Variants in ZNRF2 observed in about 807,000 individuals in gnomAD.
ZNRF2 encodes E3 ubiquitin-protein ligase ZNRF2.
A neutral mutation model predicts 20.4 loss-of-function variants in ZNRF2; 16 were observed. The ratio of observed to expected loss-of-function variants is 0.79; its 90% CI spans 0.53 to 1.19. The LOEUF (loss-of-function observed/expected upper bound fraction) is 1.19, where lower values mean the gene tolerates loss of function less well. ZNRF2 is among the 50% of genes most tolerant of loss of function. The probability of loss-of-function intolerance (pLI) is 0.00; values close to 1 mark genes in which losing one functional copy is unlikely to be tolerated. For missense variants in ZNRF2, 363 were observed against 332.4 expected (o/e 1.09, Z -0.72); for synonymous variants, 178 against 144.9 (o/e 1.23, Z -1.64).
intron 1 of ZNRF2, among the ~76,000 whole-genome samples, chr7:30,319,477 T>C (rs570528865): frequency 6.6e-6 from 1 of 152,326 alleles, no homozygotes; most frequent in South Asian, 2.1e-4. Flanking sequence ...ACCTAGTCTG[T>C]ATGTAATAGA....
chr7:30,289,988 A>G, intron 1 of ZNRF2: 3 of 457,330 alleles, frequency 6.6e-6, no homozygotes, highest in South Asian at 5.0e-5. Context: ...TAAACTATTT[A>G]TTATTATTTG....
chr7:30,360,422 G>A (rs547417403), intron 3 of ZNRF2, among the ~76,000 whole-genome samples: 16 of 152,254 alleles, frequency 1.1e-4, no homozygotes, highest in East Asian at 3.9e-4. Context: ...CAGGCCAGGC[G>A]CAGTGGCTGA....
At chr7:30,343,391 A>C (rs551882214) in intron 2 of ZNRF2, among the ~76,000 whole-genome samples, 43 of 152,270 alleles carry the variant, frequency 2.8e-4, no homozygotes, top group African/African-American at 1.0e-3. Flanking sequence ...TTTCAAAAAA[A>C]GGTCTTTAAT....
intron 1 of ZNRF2, among the ~76,000 whole-genome samples, chr7:30,299,469 A>G (rs1799073570): frequency 6.6e-6 from 1 of 151,790 alleles, no homozygotes; most frequent in Non-Finnish European, 1.5e-5. Flanking sequence ...AGTCACTTTC[A>G]GTCCTCTGGT....
intron 1 of ZNRF2, among the ~76,000 whole-genome samples, chr7:30,301,530 AAGC>A (rs1799114084): frequency 6.6e-6 from 1 of 151,946 alleles, no homozygotes; most frequent in South Asian, 2.1e-4. Context: ...AAATTACTAA[AAGC>A]AATCTGGGGC....
At chr7:30,318,199 G>T (rs571607282) in intron 1 of ZNRF2, among the ~76,000 whole-genome samples, 1 of 152,188 alleles carries the variant, frequency 6.6e-6, no homozygotes, top group East Asian at 1.9e-4. Flanking sequence ...GACATCTGGG[G>T]GAGGGGCAGA....
Position 30,292,702 on chromosome 7 carries a change from T to G in ZNRF2, c.469+6876T>G, listed in dbSNP as rs556774279. On this transcript the variant is annotated intron_variant, in intron 1 of 4. Transcript: ENST00000323037. ...GAGCAAGTCATGAGGATCTCTGGGG[T>G]AAAAACATATTCAGGCACAGGGAGC... 2.5e-4 allele frequency among the ~76,000 whole-genome samples: 38 copies of G among 152,008 alleles called. 1 individual carries two copies. The South Asian group carries it at 4.6e-3, about 18-fold the overall frequency.
chr7:30,309,039 T>G, intron 1 of ZNRF2, among the ~76,000 whole-genome samples: 1 of 152,200 alleles, frequency 6.6e-6, no homozygotes, highest in African/African-American at 2.4e-5. Context: ...ATGTCTTCAC[T>G]CCTGTATAAA....
chr7:30,358,518 T>A (rs1800074409), intron 3 of ZNRF2, among the ~76,000 whole-genome samples: 1 of 152,238 alleles, frequency 6.6e-6, no homozygotes, highest in Non-Finnish European at 1.5e-5. Flanking sequence ...ACTACCTTAG[T>A]CAAATCTCAA....
At chr7:30,344,875 C>T (rs1314709728) in intron 2 of ZNRF2, among the ~76,000 whole-genome samples, 2 of 152,110 alleles carry the variant, frequency 1.3e-5, no homozygotes, top group African/African-American at 4.8e-5. Context: ...TTGGGTTATA[C>T]CTTCTCTACT....
At chr7:30,338,707 G>A (rs1358444831) in intron 2 of ZNRF2, among the ~76,000 whole-genome samples, 2 of 152,002 alleles carry the variant, frequency 1.3e-5, no homozygotes, top group Non-Finnish European at 1.5e-5. Context: ...CCAAGTCTTT[G>A]CTATTGTGAA....
At chr7:30,285,918 CCTT>C (rs1798778343) in intron 1 of ZNRF2, 92 bp downstream of exon 1, 6 of 1,333,130 alleles carry the variant, frequency 4.5e-6, no homozygotes, top group Non-Finnish European at 5.8e-6. Context: ...CTCCTTTTCT[CCTT>C]CTGCCGGGGC....
chr7:30,310,215 G>A (rs1387105147), intron 1 of ZNRF2, among the ~76,000 whole-genome samples: 2 of 152,196 alleles, frequency 1.3e-5, no homozygotes, highest in Admixed American at 6.5e-5. Flanking sequence ...TGGTAACACT[G>A]GCCTGACTGG....
At chr7:30,310,880 C>CTGTCT (rs1169010105) in intron 1 of ZNRF2, among the ~76,000 whole-genome samples, 1 of 151,946 alleles carries the variant, frequency 6.6e-6, no homozygotes, top group Non-Finnish European at 1.5e-5. Flanking sequence ...CTGTCCTGTC[C>CTGTCT]TGTCTTGTCC....
At chr7:30,339,750 C>T (rs1199655445) in intron 2 of ZNRF2, among the ~76,000 whole-genome samples, 3 of 152,110 alleles carry the variant, frequency 2.0e-5, no homozygotes, top group South Asian at 4.1e-4. Flanking sequence ...TCTATGGGCT[C>T]TTTTTTGGTT....
At chr7:30,365,352 T>G (rs1189419413) in intron 4 of ZNRF2, among the ~76,000 whole-genome samples, 1 of 152,056 alleles carries the variant, frequency 6.6e-6, no homozygotes, top group Admixed American at 6.6e-5. Context: ...AGTGTTATAT[T>G]TGCTTATTTG....
chr7:30,302,821 A>T (rs754835148), intron 1 of ZNRF2, among the ~76,000 whole-genome samples: 2 of 152,134 alleles, frequency 1.3e-5, no homozygotes, highest in Non-Finnish European at 2.9e-5. Flanking sequence ...ACTCCAGTCT[A>T]TCTGACTCCA....
intron 1 of ZNRF2, among the ~76,000 whole-genome samples, chr7:30,322,806 AG>A (rs570027291): frequency 1.0e-3 from 156 of 152,298 alleles, no homozygotes; most frequent in African/African-American, 3.5e-3. Flanking sequence ...GTAGGACAGC[AG>A]GGGAACATGG....
chr7:30,291,601 TA>T (rs1212193956), intron 1 of ZNRF2, among the ~76,000 whole-genome samples: 2 of 152,252 alleles, frequency 1.3e-5, no homozygotes, highest in Non-Finnish European at 2.9e-5. Flanking sequence ...GTGATGTCTT[TA>T]ACCAGTATTA....
Sources: gnomAD v4.1 joint callset for allele counts (sites outside exome capture counted in the v4.1 genomes callset) on GRCh38, gnomAD v4.1.1 for gene constraint, MANE v1.5 for transcripts, NCBI Gene and HGNC (gene_info 2026-07-23, HGNC 2026-07-21) for gene names.